The following GRIN2A variants were observed in gnomAD, a reference collection of about 807,000 sequenced individuals.
The protein encoded by GRIN2A is glutamate ionotropic receptor NMDA type subunit 2A.
In GRIN2A, 22 loss-of-function variants were observed where a neutral mutation model predicts 113.4. The ratio of observed to expected loss-of-function variants is 0.19; its 90% CI spans 0.14 to 0.28. The LOEUF is 0.28. Ranked by LOEUF, GRIN2A falls within the 10% of genes least tolerant of loss-of-function variation. The pLI, the probability that GRIN2A is intolerant of heterozygous loss-of-function variation, is 1.00. For synonymous variants in GRIN2A, 827 were observed against 738.4 expected (o/e 1.12, Z -1.94); for missense variants, 1,502 against 1,887.0 (o/e 0.80, Z 3.78).
intron 3 of GRIN2A, among the ~76,000 whole-genome samples, chr16:9,908,804 G>C (rs1043481066): frequency 6.6e-6 from 1 of 152,188 alleles, no homozygotes; most frequent in African/African-American, 2.4e-5. Context: ...AGAGCTGGGC[G>C]AGCAGCAAAC....
intron 2 of GRIN2A, among the ~76,000 whole-genome samples, chr16:10,176,880 G>T (rs557194692): frequency 3.3e-5 from 5 of 152,098 alleles, no homozygotes; most frequent in Admixed American, 2.0e-4. Flanking sequence ...TTAAAAAAAT[G>T]TGTGTGTGTG....
In GRIN2A at chr16:10,080,902, C is replaced by T. The variant is rs182896688; in HGVS notation, c.414+99096G>A. Among the ~76,000 whole-genome samples the T allele has an allele frequency of 1.4e-4, 21 of 152,284 alleles. No individual in the cohort carries two copies. In the East Asian group the frequency reaches 3.9e-3, roughly 28 times the overall value. On this transcript the variant is annotated intron_variant, in intron 2 of 12. Coordinates refer to ENST00000330684, the MANE Select transcript of GRIN2A (RefSeq NM_001134407.3). ...CCCTCCAAGCTCAGGTAGCCCATTCCTTCATTCCCGTCTCAAATGTTCTGC... is the reference window on the plus strand; with the variant it reads ...CCCTCCAAGCTCAGGTAGCCCATTCTTTCATTCCCGTCTCAAATGTTCTGC...
At chr16:9,852,601 G>C (rs1032535466) in intron 4 of GRIN2A, among the ~76,000 whole-genome samples, 1 of 152,170 alleles carries the variant, frequency 6.6e-6, no homozygotes, top group Non-Finnish European at 1.5e-5. Flanking sequence ...ATGAGTGGTA[G>C]GTAGAGAGAA....
At chr16:9,917,525 T>G (rs2044275560) in intron 3 of GRIN2A, among the ~76,000 whole-genome samples, 1 of 152,240 alleles carries the variant, frequency 6.6e-6, no homozygotes, top group African/African-American at 2.4e-5. Flanking sequence ...TCACAGCTAC[T>G]TGGAAAACTG....
At chr16:9,979,278 G>A (rs899935339) in intron 2 of GRIN2A, among the ~76,000 whole-genome samples, 17 of 152,166 alleles carry the variant, frequency 1.1e-4, no homozygotes, top group African/African-American at 4.1e-4. Context: ...GGAAGACAGT[G>A]CCACATGGTT....
At chr16:9,889,102 T>G (rs1041027889) in intron 4 of GRIN2A, among the ~76,000 whole-genome samples, 7 of 152,158 alleles carry the variant, frequency 4.6e-5, no homozygotes, top group African/African-American at 1.7e-4. Flanking sequence ...CTTTTGTCTT[T>G]TTAAAATGGG....
rs532894995 is a variant in GRIN2A, at chr16:10,176,403, C to A, written c.414+3595G>T. Among the ~76,000 whole-genome samples the A allele has an allele frequency of 3.9e-5, 6 of 152,248 alleles. No individual in the cohort carries two copies. In the East Asian group the frequency reaches 9.6e-4, roughly 24 times the overall value. ...TAAATTAAATTAACACCACAAAAAT[C>A]CACCACATTTGCATGACATTTCAAT... On this transcript the variant is annotated intron_variant, in intron 2 of 12. Coordinates refer to ENST00000330684, the MANE Select transcript of GRIN2A (RefSeq NM_001134407.3).
chr16:10,117,646 A>T (rs9937210), intron 2 of GRIN2A, among the ~76,000 whole-genome samples: 2 of 152,066 alleles, frequency 1.3e-5, no homozygotes, highest in African/African-American at 4.8e-5. Flanking sequence ...TATAATGACC[A>T]CATTGTTCCA....
intron 2 of GRIN2A, among the ~76,000 whole-genome samples, chr16:10,131,678 C>T (rs1596538300): frequency 6.6e-6 from 1 of 152,106 alleles, no homozygotes; most frequent in South Asian, 2.1e-4. Flanking sequence ...GGAGACATGG[C>T]TTTTGAATGG....
chr16:10,043,962 TAC>T (rs1327243309), intron 2 of GRIN2A, among the ~76,000 whole-genome samples: 12 of 135,294 alleles, frequency 8.9e-5, no homozygotes, highest in South Asian at 2.5e-4. Context: ...TGTATATATA[TAC>T]ACACACACAT....
intron 2 of GRIN2A, among the ~76,000 whole-genome samples, chr16:9,956,183 T>A (rs967797201): frequency 6.6e-6 from 1 of 152,212 alleles, no homozygotes; most frequent in Admixed American, 6.5e-5. Flanking sequence ...TGAAGTGAGA[T>A]GTTTGGAAAG....
intron 2 of GRIN2A, among the ~76,000 whole-genome samples, chr16:10,049,359 C>T (rs2047314824): frequency 1.3e-5 from 2 of 151,866 alleles, no homozygotes; most frequent in African/African-American, 4.8e-5. Context: ...ACAGCATTAC[C>T]ACCTTATTTA....
At chr16:10,061,651 T>C (rs970020536) in intron 2 of GRIN2A, among the ~76,000 whole-genome samples, 2 of 152,168 alleles carry the variant, frequency 1.3e-5, no homozygotes, top group East Asian at 3.8e-4. Flanking sequence ...TATATGTCAT[T>C]ATAAACTCTA....
intron 2 of GRIN2A, among the ~76,000 whole-genome samples, chr16:10,154,385 C>T (rs537647177): frequency 6.6e-6 from 1 of 152,346 alleles, no homozygotes; most frequent in East Asian, 1.9e-4. Context: ...TAAAGGGCAT[C>T]TCCTGTCACT....
chr16:10,149,657 C>T (rs901250034), intron 2 of GRIN2A, among the ~76,000 whole-genome samples: 2 of 152,198 alleles, frequency 1.3e-5, no homozygotes, highest in African/African-American at 4.8e-5. Context: ...ACCAGTACCT[C>T]CTCACCCAAG....
At chr16:10,179,659 C>T (rs1410912537) in intron 2 of GRIN2A, 1 of 415,774 alleles carries the variant, frequency 2.4e-6, no homozygotes, top group East Asian at 4.8e-5. Context: ...CTGGGCCCAC[C>T]TCTGTGCCCC....
chr16:10,174,378 C>G lies in GRIN2A; in HGVS notation c.414+5620G>C, dbSNP rs552369587. On this transcript the variant is annotated intron_variant, in intron 2 of 12. Transcript: ENST00000330684. ...TGGGCTCTGGCTTAAAATACACACC[C>G]TCACAGATACAGGGCATAAGAAATC... Among the ~76,000 whole-genome samples, 19 of 152,296 alleles carry G rather than the reference C, an allele frequency of 1.2e-4. 1 individual carries two copies. The highest frequency in any genetic ancestry group is 4.3e-4 in the African/African-American group (18 of 41,566).
Position 10,060,072 on chromosome 16 carries a change from G to A in GRIN2A, c.414+119926C>T, listed in dbSNP as rs183141654. Among the ~76,000 whole-genome samples the A allele has an allele frequency of 7.2e-5, 11 of 152,292 alleles. No individual in the cohort carries two copies. The East Asian group carries it at 2.1e-3, about 29-fold the overall frequency. ...ACCTGATAGGAATTGGGACCCTGGA[G>A]GCTGCCCATCAAGAGCTAGATGGGG... On this transcript the variant is annotated intron_variant, in intron 2 of 12. Coordinates refer to ENST00000330684, the MANE Select transcript of GRIN2A (RefSeq NM_001134407.3).
At chr16:9,986,708 T>C (rs2045984888) in intron 2 of GRIN2A, among the ~76,000 whole-genome samples, 1 of 141,322 alleles carries the variant, frequency 7.1e-6, no homozygotes, top group African/African-American at 2.7e-5. Flanking sequence ...GAGGTTGCAA[T>C]GAGCTGAGAT....
Sources: gnomAD v4.1 joint callset for allele counts (sites outside exome capture counted in the v4.1 genomes callset) on GRCh38, gnomAD v4.1.1 for gene constraint, MANE v1.5 for transcripts, NCBI Gene and HGNC (gene_info 2026-07-23, HGNC 2026-07-21) for gene names.